The following EXD3 variants were observed in gnomAD, a reference collection of about 807,000 sequenced individuals.
The protein encoded by EXD3 is exonuclease mut-7 homolog.
EXD3 carries 92 observed loss-of-function variants against 98.0 expected under a neutral mutation model. The ratio of observed to expected loss-of-function variants is 0.94; its 90% CI spans 0.79 to 1.12. The LOEUF (loss-of-function observed/expected upper bound fraction) is 1.12, where lower values mean the gene tolerates loss of function less well. Among genes scored for constraint, EXD3 ranks in the 50% most tolerant of loss-of-function variants. The probability of loss-of-function intolerance (pLI) is 0.00; values close to 1 mark genes in which losing one functional copy is unlikely to be tolerated. For missense variants in EXD3, 1,222 were observed against 1,191.6 expected (o/e 1.03, Z -0.38); for synonymous variants, 569 against 526.0 (o/e 1.08, Z -1.12).
At chr9:137,353,399 G>A (rs1004800404) in intron 10 of EXD3, 16 of 985,112 alleles carry the variant, frequency 1.6e-5, no homozygotes, top group African/African-American at 7.0e-5. Flanking sequence ...CCATCTCCAC[G>A]CTCCTCCTCT....
chr9:137,399,085 A>G (rs1837365070), intron 1 of EXD3, among the ~76,000 whole-genome samples: 1 of 152,186 alleles, frequency 6.6e-6, no homozygotes, highest in Non-Finnish European at 1.5e-5. Flanking sequence ...CGTCCCCATG[A>G]CACACGCACA....
At chr9:137,373,258 AGAGGGTGAAGCCACGGGCT>A (rs59889670) in intron 4 of EXD3, among the ~76,000 whole-genome samples, 149 bp downstream of exon 4, 14,724 of 152,258 alleles carry the variant, frequency 0.097, 705 homozygotes, top group Middle Eastern at 0.11. Flanking sequence ...GTCAGGGGGC[AGAGGGTGAAGCCACGGGCT>A]GAGTCTTGGC....
intron 3 of EXD3, among the ~76,000 whole-genome samples, chr9:137,376,860 C>T (rs972399883): frequency 4.3e-5 from 6 of 141,104 alleles, no homozygotes; most frequent in African/African-American, 8.0e-5. Flanking sequence ...ACTTGGGAGG[C>T]GGAGGTCGCG....
chr9:137,327,586 G>GA (rs1264262244), intron 17 of EXD3, among the ~76,000 whole-genome samples: 3 of 151,416 alleles, frequency 2.0e-5, no homozygotes, highest in Non-Finnish European at 2.9e-5. Flanking sequence ...CAAAAAGAAA[G>GA]AAAAAAAGGG....
intron 1 of EXD3, among the ~76,000 whole-genome samples, chr9:137,414,139 G>A (rs1322153707): frequency 6.6e-6 from 1 of 152,030 alleles, no homozygotes; most frequent in Middle Eastern, 3.2e-3. Flanking sequence ...GGATGGTCTC[G>A]ATCTCCTGAC....
At chr9:137,369,299 C>G (rs74642955) in intron 5 of EXD3, among the ~76,000 whole-genome samples, 4 of 152,082 alleles carry the variant, frequency 2.6e-5, no homozygotes, top group Non-Finnish European at 5.9e-5. Flanking sequence ...CAGTGACACC[C>G]GCAGCTTCAC....
At chr9:137,323,977 G>A in intron 18 of EXD3, 113 bp downstream of exon 18, 1 of 1,528,274 alleles carries the variant, frequency 6.5e-7, no homozygotes, top group Non-Finnish European at 8.8e-7. Context: ...GTACGGCAGA[G>A]GCGCTGGGGG....
chr9:137,375,216 C>A (rs1270451086), intron 3 of EXD3, among the ~76,000 whole-genome samples: 3 of 152,184 alleles, frequency 2.0e-5, no homozygotes, highest in African/African-American at 7.2e-5. Flanking sequence ...ACCGTGTTAG[C>A]CAGGATGGTC....
intron 3 of EXD3, among the ~76,000 whole-genome samples, chr9:137,382,665 C>T (rs1836376054): frequency 1.3e-5 from 2 of 152,144 alleles, no homozygotes; most frequent in Non-Finnish European, 2.9e-5. Flanking sequence ...ATCCCCCGGG[C>T]CTGCAGGGGT....
rs755142415 is a variant in EXD3, at chr9:137,323,691, C to G, written c.2184+34G>C. The G allele has an allele frequency of 5.6e-6, 9 of 1,605,016 alleles. No individual in the cohort carries two copies. In the South Asian group the frequency reaches 1.0e-4, roughly 18 times the overall value. On this transcript the variant is annotated intron_variant, in intron 19 of 21. Transcript: ENST00000340951. ...ACCCCCGTAGCTCCAGATCTTGTGC[C>G]AGCCCCAGGTAGGACGGGGTGCGCA...
rs985850853 is a variant in EXD3, at chr9:137,349,617, G to T, written c.1495-86C>A. On this transcript the variant is annotated intron_variant, in intron 14 of 21. Coordinates refer to ENST00000340951, the MANE Select transcript of EXD3 (RefSeq NM_017820.5). The surrounding 1 kb of genome is among the most constrained non-coding windows in gnomAD (Gnocchi z 7.4). ...GCCCACTCACACCAGCCCTGCGGGG[G>T]CTCTGGAGGAGGCCCCGCCCCCTCC... 4 of 1,359,920 alleles carry T rather than the reference G, an allele frequency of 2.9e-6. No homozygotes were observed. Among genetic ancestry groups the T allele is most frequent in the Non-Finnish European group, 3.9e-6 (4 of 1,037,496 alleles). The allele number at this position is 1,359,920 out of a possible 1,614,324, so 84.2% of individuals were successfully genotyped here.
intron 1 of EXD3, among the ~76,000 whole-genome samples, chr9:137,422,242 T>C (rs998558563): frequency 1.1e-4 from 16 of 151,872 alleles, no homozygotes; most frequent in African/African-American, 3.9e-4. Context: ...TGATAATCAA[T>C]GCTTTCAAGA....
intron 19 of EXD3, among the ~76,000 whole-genome samples, chr9:137,314,900 C>T (rs1831562002): frequency 6.6e-6 from 1 of 152,186 alleles, no homozygotes; most frequent in East Asian, 1.9e-4. Flanking sequence ...AACAGCCAGC[C>T]CCTCGTGCGC....
At chr9:137,373,309 C>G in intron 4 of EXD3, 117 bp downstream of exon 4, 1 of 1,301,958 alleles carries the variant, frequency 7.7e-7, no homozygotes, top group South Asian at 1.3e-5. Context: ...GCATCCCCCT[C>G]CCCTTCCCTG....
intron 8 of EXD3, among the ~76,000 whole-genome samples, chr9:137,355,401 C>A (rs1834582507): frequency 1.0e-5 from 1 of 95,344 alleles, no homozygotes; most frequent in Non-Finnish European, 2.3e-5. Flanking sequence ...GGGCGACCAT[C>A]TGCCCTGAGG....
chr9:137,373,383 G>C, intron 4 of EXD3, 43 bp downstream of exon 4: 1 of 1,590,826 alleles, frequency 6.3e-7, no homozygotes, highest in Non-Finnish European at 8.5e-7. Flanking sequence ...CTGAGGGGCA[G>C]GGGCAGGAAG....
chr9:137,349,263 C>T lies in EXD3; in HGVS notation c.1677G>A (p.Leu559=), dbSNP rs1834122696. 6.4e-7 allele frequency: 1 copy of T among 1,570,810 alleles called. No individual in the cohort carries two copies. Among genetic ancestry groups the T allele is most frequent in the Admixed American group, 1.8e-5 (1 of 54,930 alleles). The change falls in exon 16 of 22, where the codon CTG becomes CTA. Residue 559 remains leucine, a synonymous_variant. Transcript: ENST00000340951. This position sits in a 1 kb window ranked among gnomAD's most constrained non-coding sequence, Gnocchi z 7.4. Reference sequence around the variant, plus strand: ...TGCACAGGGCTTGGTGCACCTCCAGCAGGCAGTAGGCGTCGGCAGCTGTGT... The same window carrying T: ...TGCACAGGGCTTGGTGCACCTCCAGTAGGCAGTAGGCGTCGGCAGCTGTGT... The part of the protein sequence containing the change: ...VIYAAADAYC[L]LEVHQALCRE...
chr9:137,331,536 C>T lies in EXD3; in HGVS notation c.1999-7393G>A, dbSNP rs563165459. ...CTAAAGGCTCCTCCAAAAGACTCCT[C>T]GATTTGACAAATGGATTCGGTGAAG... On this transcript the variant is annotated intron_variant, in intron 17 of 21. Coordinates refer to ENST00000340951, the MANE Select transcript of EXD3 (RefSeq NM_017820.5). 1.8e-3 allele frequency among the ~76,000 whole-genome samples: 272 copies of T among 152,288 alleles called. 1 individual carries two copies. The highest frequency in any genetic ancestry group is 0.01 in the Middle Eastern group (3 of 294).
rs996792863 is a variant in EXD3 at position 137,371,738 on chromosome 9, C to T, written c.462+1167G>A. 2.6e-5 allele frequency among the ~76,000 whole-genome samples: 4 copies of T among 151,524 alleles called. No individual in the cohort carries two copies. The highest frequency in any genetic ancestry group is 1.9e-4 in the East Asian group (1 of 5,148). Reference sequence around the variant, plus strand: ...AGGACACCCCTGGGCCAAGCACCCCCGGGCCGAGCACCCCCAAGCAGGACA... The same window carrying T: ...AGGACACCCCTGGGCCAAGCACCCCTGGGCCGAGCACCCCCAAGCAGGACA... On this transcript the variant is annotated intron_variant, in intron 5 of 21. Transcript: ENST00000340951. The surrounding 1 kb of genome is among the most constrained non-coding windows in gnomAD (Gnocchi z 8.0).
Sources: allele counts gnomAD v4.1 joint callset (sites outside exome capture counted in the v4.1 genomes callset), GRCh38; gene constraint gnomAD v4.1.1; non-coding constraint Gnocchi (gnomAD v3.1); transcripts MANE v1.5; gene names NCBI Gene and HGNC (gene_info 2026-07-23, HGNC 2026-07-21).